Variants in HIP1 observed in about 807,000 individuals in gnomAD.
HIP1 encodes the protein huntingtin interacting protein 1, also known as huntingtin-interacting protein 1.
HIP1 carries 65 observed loss-of-function variants against 147.6 expected under a neutral mutation model. The observed-to-expected ratio is 0.44, with a 90% CI of 0.36 to 0.54. The LOEUF is 0.54. HIP1 is among the 20% of genes least tolerant of loss of function. The pLI is 0.00. For missense variants in HIP1, 1,061 were observed against 1,299.6 expected (o/e 0.82, Z 2.82); for synonymous variants, 479 against 504.0 (o/e 0.95, Z 0.67).
At chr7:75,595,187 C>CT (rs1554501607) in intron 2 of HIP1, among the ~76,000 whole-genome samples, 12 of 108,474 alleles carry the variant, frequency 1.1e-4, no homozygotes, top group African/African-American at 4.1e-4. Context: ...GTGTAGGAGT[C>CT]CTTTCTTTCT....
At chr7:75,661,542 C>T (rs556213591) in intron 1 of HIP1, among the ~76,000 whole-genome samples, 188 of 142,260 alleles carry the variant, frequency 1.3e-3, no homozygotes, top group Middle Eastern at 3.7e-3. Flanking sequence ...CGCTGCACTC[C>T]AGCCTGGGCA....
At position 75,536,707 on chromosome 7, in the gene HIP1, A is replaced by G. The variant is rs1055953425; in HGVS notation, c.*1465T>C. 14 of 228,446 alleles carry G rather than the reference A, an allele frequency of 6.1e-5. No individual in the cohort carries two copies. The Middle Eastern group carries it at 3.9e-3, about 64-fold the overall frequency. 14.2% of individuals were successfully genotyped at this position (228,446 alleles called of 1,614,324 possible). On this transcript the variant is annotated 3_prime_UTR_variant, in exon 31 of 31. Coordinates refer to ENST00000336926, the MANE Select transcript of HIP1 (RefSeq NM_005338.7). ...GTCCTTTCTCATTTTCTCTGACCCAAGAGCTCCAAATGATCTCCTTGCTTT... is the reference window on the plus strand; with the variant it reads ...GTCCTTTCTCATTTTCTCTGACCCAGGAGCTCCAAATGATCTCCTTGCTTT...
intron 4 of HIP1, among the ~76,000 whole-genome samples, chr7:75,590,984 T>C (rs190556434): frequency 5.3e-5 from 8 of 151,990 alleles, no homozygotes; most frequent in Middle Eastern, 6.8e-3. Context: ...GCTAAAGTAG[T>C]AGTTCTCAAC....
intron 1 of HIP1, among the ~76,000 whole-genome samples, chr7:75,662,545 G>A (rs1196871281): frequency 6.6e-6 from 1 of 151,828 alleles, no homozygotes; most frequent in East Asian, 1.9e-4. Context: ...TCGCTCTGTC[G>A]CCCAGGCTGG....
At chr7:75,618,189 C>T (rs755071971) in intron 1 of HIP1, among the ~76,000 whole-genome samples, 3 of 152,168 alleles carry the variant, frequency 2.0e-5, no homozygotes, top group Non-Finnish European at 4.4e-5. Context: ...TCACTGTCAC[C>T]CAGGCTGGAG....
chr7:75,650,182 CA>C (rs781989762), intron 1 of HIP1, among the ~76,000 whole-genome samples: 3 of 152,152 alleles, frequency 2.0e-5, no homozygotes, highest in Non-Finnish European at 1.5e-5. Flanking sequence ...GGGAGGCCAG[CA>C]GGGGTCAGAG....
intron 1 of HIP1, among the ~76,000 whole-genome samples, chr7:75,607,948 CT>C (rs1455147178): frequency 1.3e-5 from 2 of 152,072 alleles, no homozygotes; most frequent in Non-Finnish European, 2.9e-5. Context: ...AGGAAATTTT[CT>C]ATACTTAGGC....
chr7:75,576,415 A>C (rs1795847814), intron 7 of HIP1, among the ~76,000 whole-genome samples: 1 of 152,140 alleles, frequency 6.6e-6, no homozygotes, highest in Non-Finnish European at 1.5e-5. Context: ...GGGTGTCAAA[A>C]GTCTTCCCCT....
chr7:75,735,575 A>G (rs572822140), intron 1 of HIP1, among the ~76,000 whole-genome samples: 2 of 152,164 alleles, frequency 1.3e-5, no homozygotes, highest in East Asian at 3.9e-4. Context: ...TTTGCTTACC[A>G]AGCTCTGCAA....
intron 1 of HIP1, chr7:75,626,884 C>T (rs1363414352): frequency 1.7e-5 from 2 of 120,940 alleles, no homozygotes; most frequent in African/African-American, 6.1e-5. Context: ...TGCATGCACA[C>T]AAACACACAC....
intron 1 of HIP1, among the ~76,000 whole-genome samples, chr7:75,614,338 C>T (rs1335349525): frequency 2.0e-5 from 3 of 152,118 alleles, no homozygotes; most frequent in African/African-American, 7.2e-5. Flanking sequence ...ATGCGCTGGG[C>T]CCTAAAATGG....
At chr7:75,662,718 C>G (rs941977968) in intron 1 of HIP1, among the ~76,000 whole-genome samples, 1 of 152,172 alleles carries the variant, frequency 6.6e-6, no homozygotes, top group African/African-American at 2.4e-5. Context: ...GTTGGTCAGT[C>G]TTGTCTCGAA....
At chr7:75,549,131 TG>T (rs1794682696) in intron 22 of HIP1, 130 bp from the exon 23 acceptor site, 5 of 622,042 alleles carry the variant, frequency 8.0e-6, no homozygotes, top group Admixed American at 2.8e-5. Flanking sequence ...CCACAGGGGT[TG>T]TGGGGGGGTC....
chr7:75,715,932 G>A (rs1179552830), intron 1 of HIP1, among the ~76,000 whole-genome samples: 2 of 152,060 alleles, frequency 1.3e-5, no homozygotes, highest in African/African-American at 4.8e-5. Flanking sequence ...AATCAGGCGT[G>A]TCACATGGTG....
At position 75,561,360 on chromosome 7, in the gene HIP1, A is replaced by G; in HGVS notation, c.1160T>C (p.Leu387Ser). ...CTTCATGTTTTCTAGCTGTGCCTTCAATCCACTGATCTCTCTGTATAGTCG... is the reference window on the plus strand; with the variant it reads ...CTTCATGTTTTCTAGCTGTGCCTTCGATCCACTGATCTCTCTGTATAGTCG... ...IERLYREISG[L>S]KAQLENMKTE... The change falls in exon 13 of 31, where the codon TTG becomes TCG. Residue 387 changes from leucine (L) to serine (S), a missense_variant. Physicochemically the swap from Leu to Ser is moderately radical, Grantham distance 145. Transcript: ENST00000336926. 1 of 1,613,482 alleles carries G rather than the reference A, an allele frequency of 6.2e-7. No homozygotes were observed. Among genetic ancestry groups the G allele is most frequent in the Non-Finnish European group, 8.5e-7 (1 of 1,179,392 alleles).
At position 75,729,514 on chromosome 7, in the gene HIP1, A is replaced by G. The variant is rs987734413; in HGVS notation, c.120+9287T>C. On this transcript the variant is annotated intron_variant, in intron 1 of 30. Transcript: ENST00000336926. Reference sequence around the variant, plus strand: ...AAAAAACAAAAAAGCGGCCGGGCGCAATGGCTCACGCCTGTATTCCCAGTA... The same window carrying G: ...AAAAAACAAAAAAGCGGCCGGGCGCGATGGCTCACGCCTGTATTCCCAGTA... 2.8e-4 allele frequency among the ~76,000 whole-genome samples: 42 copies of G among 151,744 alleles called. 1 individual carries two copies. Among genetic ancestry groups the G allele is most frequent in the Admixed American group, 4.6e-4 (7 of 15,222 alleles).
At chr7:75,581,148 C>A in intron 7 of HIP1, 89 bp downstream of exon 7, 1 of 1,004,060 alleles carries the variant, frequency 1.0e-6, no homozygotes, top group South Asian at 1.4e-5. Context: ...TTTCCTACCC[C>A]TTGTGCTGCA....
At chr7:75,722,259 G>A (rs1480584196) in intron 1 of HIP1, among the ~76,000 whole-genome samples, 1 of 152,014 alleles carries the variant, frequency 6.6e-6, no homozygotes, top group Non-Finnish European at 1.5e-5. Flanking sequence ...GCAGTGAACC[G>A]TAATTATGCC....
At chr7:75,721,152 G>C (rs968280291) in intron 1 of HIP1, among the ~76,000 whole-genome samples, 9 of 152,204 alleles carry the variant, frequency 5.9e-5, no homozygotes, top group African/African-American at 1.9e-4. Context: ...CAAAGCGGGT[G>C]GATCACTTGA....
Sources: gnomAD v4.1 joint callset for allele counts (sites outside exome capture counted in the v4.1 genomes callset) on GRCh38, gnomAD v4.1.1 for gene constraint, MANE v1.5 for transcripts, NCBI Gene and HGNC (gene_info 2026-07-23, HGNC 2026-07-21) for gene names.